RALGAPA1: variants seen among roughly 807,000 people sequenced by gnomAD.
RALGAPA1 encodes ral GTPase-activating protein subunit alpha-1.
In RALGAPA1, 52 loss-of-function variants were observed where a neutral mutation model predicts 269.6. That is an observed-to-expected ratio of 0.19 (90% CI 0.15 to 0.24). RALGAPA1 has a LOEUF of 0.24. RALGAPA1 is among the 10% of genes least tolerant of loss of function. The probability of loss-of-function intolerance (pLI) is 1.00; values close to 1 mark genes in which losing one functional copy is unlikely to be tolerated. For missense variants in RALGAPA1, 1,917 were observed against 3,013.9 expected, an observed-to-expected ratio of 0.64 and a Z score of 8.52; for synonymous variants, 817 against 1,008.3, an observed-to-expected ratio of 0.81 and a Z score of 3.60.
At chr14:35,666,054 C>T (rs767319133) in intron 26 of RALGAPA1, among the ~76,000 whole-genome samples, 44 of 149,874 alleles carry the variant, frequency 2.9e-4, no homozygotes, top group African/African-American at 7.4e-4. Context: ...TTCACTCTGT[C>T]GTGCAGGCTG....
chr14:35,730,249 C>T (rs1050473843), intron 12 of RALGAPA1, among the ~76,000 whole-genome samples: 1 of 152,112 alleles, frequency 6.6e-6, no homozygotes, highest in South Asian at 2.1e-4. Flanking sequence ...TTGCTGGGTC[C>T]CCAGGCAGGC....
At chr14:35,757,585 T>C (rs2073304073) in intron 6 of RALGAPA1, among the ~76,000 whole-genome samples, 1 of 152,228 alleles carries the variant, frequency 6.6e-6, no homozygotes, top group Non-Finnish European at 1.5e-5. Flanking sequence ...AAAAATTCCA[T>C]AAGATGACAA....
intron 11 of RALGAPA1, among the ~76,000 whole-genome samples, chr14:35,740,551 A>C (rs2071449109): frequency 6.6e-6 from 1 of 152,258 alleles, no homozygotes; most frequent in Admixed American, 6.5e-5. Context: ...CCCGCCTGTC[A>C]TCCCCAGCAC....
chr14:35,762,873 T>C, intron 4 of RALGAPA1, 120 bp from the exon 5 acceptor site: 1 of 658,064 alleles, frequency 1.5e-6, no homozygotes, highest in East Asian at 2.8e-5. Context: ...TTATTCTTGG[T>C]GACCTTTATA....
chr14:35,655,720 A>G, intron 29 of RALGAPA1, 87 bp downstream of exon 29: 1 of 1,495,938 alleles, frequency 6.7e-7, no homozygotes. Context: ...CATTTACTAA[A>G]TGTTACACAA....
intron 34 of RALGAPA1, among the ~76,000 whole-genome samples, chr14:35,626,478 T>C (rs2139597957): frequency 6.6e-6 from 1 of 152,310 alleles, no homozygotes; most frequent in South Asian, 2.1e-4. Flanking sequence ...ACAATGCCAG[T>C]GTTTTATATA....
chr14:35,760,975 A>G lies in RALGAPA1; in HGVS notation c.401T>C (p.Leu134Pro). ...IRREGVRLFL[L>P]WLQALQNNCS... ...GTTATTCTGAAGAGCTTGCAACCAT[A>G]GTAAGAAAAGACGAACACCTTCCCG... Residue 134 changes from leucine (L) to proline (P), a missense_variant, in exon 6 of 42, where the codon CTA becomes CCA. Physicochemically the swap from Leu to Pro is moderately conservative, Grantham distance 98. Around this residue, in one of 11 missense-constraint regions of RALGAPA1, gnomAD observed 462 missense variants for 725.6 expected, o/e 0.64. Coordinates refer to ENST00000680220, the MANE Select transcript of RALGAPA1 (RefSeq NM_001346249.2). 6.2e-7 allele frequency: 1 copy of G among 1,604,736 alleles called. No individual in the cohort carries two copies. Among genetic ancestry groups the G allele is most frequent in the Non-Finnish European group, 8.5e-7 (1 of 1,175,396 alleles).
At chr14:35,796,829 G>A (rs957350356) in intron 1 of RALGAPA1, among the ~76,000 whole-genome samples, 1 of 151,554 alleles carries the variant, frequency 6.6e-6, no homozygotes, top group East Asian at 1.9e-4. Flanking sequence ...TGCCTAGGCT[G>A]GAGTGCAGTG....
chr14:35,610,869 A>G (rs1430316801), intron 35 of RALGAPA1, among the ~76,000 whole-genome samples: 1 of 152,226 alleles, frequency 6.6e-6, no homozygotes, highest in African/African-American at 2.4e-5. Context: ...ACAAAATTTT[A>G]AAAATTCTTT....
chr14:35,765,875 C>T (rs1295204060), intron 4 of RALGAPA1: 1 of 819,534 alleles, frequency 1.2e-6, no homozygotes, highest in Non-Finnish European at 2.0e-6. Context: ...GATTAGGGAG[C>T]TCTACTAATG....
At chr14:35,683,146 G>A (rs2065609862) in intron 21 of RALGAPA1, among the ~76,000 whole-genome samples, 2 of 152,130 alleles carry the variant, frequency 1.3e-5, no homozygotes, top group African/African-American at 4.8e-5. Context: ...ATTATAGAGT[G>A]GAACCCCCAA....
intron 39 of RALGAPA1, among the ~76,000 whole-genome samples, chr14:35,559,498 GA>G (rs542795620): frequency 1.2e-3 from 180 of 146,080 alleles, no homozygotes; most frequent in African/African-American, 2.1e-3. Context: ...TTTAATACAG[GA>G]AAAAAAAAAA....
In RALGAPA1 at chr14:35,775,747, T is replaced by A; in HGVS notation, c.107-2A>T. 6.6e-7 allele frequency: 1 copy of A among 1,525,880 alleles called. No homozygotes were observed. Among genetic ancestry groups the A allele is most frequent in the Non-Finnish European group, 8.7e-7 (1 of 1,145,194 alleles). The allele number at this position is 1,525,880 out of a possible 1,614,324, so 94.5% of individuals were successfully genotyped here. On this transcript the variant is annotated splice_acceptor_variant, in intron 1 of 41. Coordinates refer to ENST00000680220, the MANE Select transcript of RALGAPA1 (RefSeq NM_001346249.2). LOFTEE classifies it high-confidence loss of function. ...TAAGATCAATAGATTCTGCATTCTCTGAAAAATAAAAAAAAATTACTGATT... is the reference window on the plus strand; with the variant it reads ...TAAGATCAATAGATTCTGCATTCTCAGAAAAATAAAAAAAAATTACTGATT...
intron 28 of RALGAPA1, among the ~76,000 whole-genome samples, chr14:35,657,001 A>G (rs2063215609): frequency 6.6e-6 from 1 of 152,116 alleles, no homozygotes; most frequent in Admixed American, 6.5e-5. Flanking sequence ...TAGAACACAA[A>G]TGCTGAACAA....
At chr14:35,738,392 CATA>C in intron 12 of RALGAPA1, 118 bp downstream of exon 12, 1 of 545,210 alleles carries the variant, frequency 1.8e-6, no homozygotes, top group Non-Finnish European at 2.9e-6. Flanking sequence ...TAAAATATGG[CATA>C]ATGATAAATA....
At chr14:35,563,847 T>C (rs2056484522) in intron 39 of RALGAPA1, among the ~76,000 whole-genome samples, 1 of 152,100 alleles carries the variant, frequency 6.6e-6, no homozygotes, top group Non-Finnish European at 1.5e-5. Context: ...GTTTCTCTCT[T>C]GTCGCCCAGG....
chr14:35,594,551 A>G (rs1190620399), intron 37 of RALGAPA1, among the ~76,000 whole-genome samples: 1 of 152,094 alleles, frequency 6.6e-6, no homozygotes, highest in Non-Finnish European at 1.5e-5. Context: ...AGGCTCAACA[A>G]TCTCATTAAT....
chr14:35,653,790 G>A (rs1303600389), intron 30 of RALGAPA1, among the ~76,000 whole-genome samples: 1 of 152,088 alleles, frequency 6.6e-6, no homozygotes, highest in Non-Finnish European at 1.5e-5. Flanking sequence ...TACGTCAGGT[G>A]TTGCAGGAAG....
chr14:35,745,434 C>G (rs1052308927), intron 10 of RALGAPA1, among the ~76,000 whole-genome samples: 117 of 151,816 alleles, frequency 7.7e-4, no homozygotes, highest in African/African-American at 2.7e-3. Flanking sequence ...CACACACACA[C>G]ACACACACAC....
Sources: allele counts gnomAD v4.1 joint callset (sites outside exome capture counted in the v4.1 genomes callset), GRCh38; gene constraint gnomAD v4.1.1; regional missense constraint gnomAD v4.1.1; transcripts MANE v1.5; gene names NCBI Gene and HGNC (gene_info 2026-07-23, HGNC 2026-07-21).